Variants in RBFOX1 observed in about 807,000 individuals in gnomAD.
The protein encoded by RBFOX1 is RNA binding protein fox-1 homolog 1.
RBFOX1 carries 8 observed loss-of-function variants against 57.7 expected under a neutral mutation model. That is an observed-to-expected ratio of 0.14 (90% CI 0.08 to 0.25). The LOEUF is 0.25. Ranked by LOEUF, RBFOX1 falls within the 10% of genes least tolerant of loss-of-function variation. The pLI is 1.00. For missense variants in RBFOX1, 611 were observed against 548.5 expected, an observed-to-expected ratio of 1.11 and a Z score of -1.14; for synonymous variants, 326 against 222.4, an observed-to-expected ratio of 1.47 and a Z score of -4.15.
At chr16:5,888,867 A>T (rs1007118269) in intron 4 of RBFOX1, among the ~76,000 whole-genome samples, 4 of 151,758 alleles carry the variant, frequency 2.6e-5, no homozygotes, top group African/African-American at 9.7e-5. Context: ...AAACAATAGC[A>T]TGTACACAGC....
chr16:7,505,756 C>T (rs2073065264), intron 4 of RBFOX1, among the ~76,000 whole-genome samples: 1 of 152,184 alleles, frequency 6.6e-6, no homozygotes, highest in African/African-American at 2.4e-5. Flanking sequence ...TCTCTCTGTG[C>T]TTCCCTACTG....
At chr16:5,325,136 G>T (rs1406572891) in intron 1 of RBFOX1, among the ~76,000 whole-genome samples, 2 of 152,172 alleles carry the variant, frequency 1.3e-5, no homozygotes, top group African/African-American at 4.8e-5. Flanking sequence ...AAGAAGCGCT[G>T]CTCTACAACA....
intron 4 of RBFOX1, among the ~76,000 whole-genome samples, chr16:7,445,766 G>A (rs143791357): frequency 6.6e-6 from 1 of 152,302 alleles, no homozygotes; most frequent in Non-Finnish European, 1.5e-5. Context: ...GACGTTTGGA[G>A]ATGCCCAAAG....
At chr16:7,269,882 G>T (rs994647334) in intron 4 of RBFOX1, among the ~76,000 whole-genome samples, 4 of 152,146 alleles carry the variant, frequency 2.6e-5, no homozygotes, top group African/African-American at 9.7e-5. Context: ...TAACCATAGC[G>T]TATTAGCATA....
At chr16:5,277,220 A>T (rs574291755) in intron 1 of RBFOX1, among the ~76,000 whole-genome samples, 11 of 152,224 alleles carry the variant, frequency 7.2e-5, no homozygotes, top group African/African-American at 2.2e-4. Flanking sequence ...AAAAACAAAC[A>T]TTGCATGTTC....
intron 4 of RBFOX1, among the ~76,000 whole-genome samples, chr16:7,237,332 C>A (rs1265740859): frequency 6.6e-6 from 1 of 152,162 alleles, no homozygotes; most frequent in African/African-American, 2.4e-5. Context: ...CATCAGAGTG[C>A]AGAATGGATT....
At chr16:7,095,328 G>A (rs542632362) in intron 4 of RBFOX1, among the ~76,000 whole-genome samples, 5 of 152,224 alleles carry the variant, frequency 3.3e-5, no homozygotes, top group Non-Finnish European at 7.4e-5. Context: ...AGTAGAGACT[G>A]GGTTTCACTA....
chr16:6,894,321 C>T (rs1240266222), intron 3 of RBFOX1, among the ~76,000 whole-genome samples: 1 of 152,264 alleles, frequency 6.6e-6, no homozygotes, highest in East Asian at 1.9e-4. Flanking sequence ...TGAAATCCCC[C>T]AGATAGCTCT....
intron 3 of RBFOX1, among the ~76,000 whole-genome samples, chr16:5,784,518 C>T (rs2054434251): frequency 6.6e-6 from 1 of 152,076 alleles, no homozygotes; most frequent in Non-Finnish European, 1.5e-5. Flanking sequence ...TTTTAAACAA[C>T]CATCTCTTGT....
At chr16:6,092,941 A>T (rs1204468168) in intron 1 of RBFOX1, 1 of 152,086 alleles carries the variant, frequency 6.6e-6, no homozygotes, top group African/African-American at 2.4e-5. Flanking sequence ...GAAAGTGTGG[A>T]TAAAAAACTG....
chr16:6,845,135 G>T (rs917635670), intron 3 of RBFOX1, among the ~76,000 whole-genome samples: 1 of 113,468 alleles, frequency 8.8e-6, no homozygotes, highest in East Asian at 3.3e-4. Context: ...TGGGTTGTCT[G>T]TTCACTCTGG....
chr16:5,908,279 C>CATATATATACACAT (rs1252462567), intron 4 of RBFOX1, among the ~76,000 whole-genome samples: 1 of 142,822 alleles, frequency 7.0e-6, no homozygotes, highest in Admixed American at 7.1e-5. Context: ...TATATACATA[C>CATATATATACACAT]ATATATATAC....
rs568499396 is a variant in RBFOX1, at chr16:5,637,442, T to C, written c.318+38481T>C. 8.5e-5 allele frequency among the ~76,000 whole-genome samples: 13 copies of C among 152,264 alleles called. No homozygotes were observed. The South Asian group carries it at 2.7e-3, about 32-fold the overall frequency. ...GCGAGTGAATTGATGTCTCTGAACTTCAGACAGTAAAGGAATAAAACCTCC... is the reference window on the plus strand; with the variant it reads ...GCGAGTGAATTGATGTCTCTGAACTCCAGACAGTAAAGGAATAAAACCTCC... On this transcript the variant is annotated intron_variant, in intron 3 of 19. Transcript: ENST00000641259.
At chr16:7,558,945 T>C (rs2089584094) in intron 5 of RBFOX1, among the ~76,000 whole-genome samples, 1 of 152,252 alleles carries the variant, frequency 6.6e-6, no homozygotes, top group Admixed American at 6.5e-5. Context: ...ACTGTTACTC[T>C]TTTGAAGATT....
Position 6,698,906 on chromosome 16 carries a change from C to T in RBFOX1, c.-16+44256C>T, listed in dbSNP as rs2154139746. On this transcript the variant is annotated intron_variant, in intron 3 of 15. Transcript: ENST00000550418. ...TCTTTGTGATATTTTCCCCCTTATT[C>T]ATAAAAGAGGCATATTGAATGTGTC... 1.3e-5 allele frequency among the ~76,000 whole-genome samples: 2 copies of T among 152,278 alleles called. 1 individual carries two copies. The highest frequency in any genetic ancestry group is 4.1e-4 in the South Asian group (2 of 4,832).
At chr16:7,025,682 C>G (rs113245477) in intron 3 of RBFOX1, among the ~76,000 whole-genome samples, 4 of 152,220 alleles carry the variant, frequency 2.6e-5, no homozygotes, top group African/African-American at 9.6e-5. Context: ...TGGAGAAGGC[C>G]TGGCCTGGCC....
At chr16:6,657,893 G>A (rs1217374178) in intron 3 of RBFOX1, among the ~76,000 whole-genome samples, 1 of 151,796 alleles carries the variant, frequency 6.6e-6, no homozygotes, top group Non-Finnish European at 1.5e-5. Flanking sequence ...GGATGTGATG[G>A]CTTCTCAAGA....
intron 2 of RBFOX1, among the ~76,000 whole-genome samples, chr16:5,531,762 G>A (rs2044486130): frequency 6.6e-6 from 1 of 151,642 alleles, no homozygotes; most frequent in Non-Finnish European, 1.5e-5. Context: ...TTCTAGTGGT[G>A]GAGGTAGATA....
chr16:7,031,962 G>A (rs1568453181), intron 3 of RBFOX1, among the ~76,000 whole-genome samples: 1 of 152,204 alleles, frequency 6.6e-6, no homozygotes, highest in Non-Finnish European at 1.5e-5. Context: ...GGACTTCCTC[G>A]TTATTTGAAG....
Sources: allele counts gnomAD v4.1 joint callset (sites outside exome capture counted in the v4.1 genomes callset), GRCh38; gene constraint gnomAD v4.1.1; transcripts MANE v1.5; gene names NCBI Gene and HGNC (gene_info 2026-07-23, HGNC 2026-07-21).